Variants in NPR3 observed in about 807,000 individuals in gnomAD.
NPR3 encodes the protein natriuretic peptide receptor 3.
A neutral mutation model predicts 54.5 loss-of-function variants in NPR3; 34 were observed. That is an observed-to-expected ratio of 0.62 (90% CI 0.47 to 0.83). NPR3 has a LOEUF of 0.83. NPR3 is among the 40% of genes least tolerant of loss of function. The probability of loss-of-function intolerance (pLI) is 0.00; values close to 1 mark genes in which losing one functional copy is unlikely to be tolerated. For synonymous variants in NPR3, 289 were observed against 297.1 expected, an observed-to-expected ratio of 0.97 and a Z score of 0.28; for missense variants, 674 against 720.8, an observed-to-expected ratio of 0.94 and a Z score of 0.74.
At chr5:32,760,885 T>C (rs943999831) in intron 3 of NPR3, among the ~76,000 whole-genome samples, 1 of 152,146 alleles carries the variant, frequency 6.6e-6, no homozygotes, top group African/African-American at 2.4e-5. Flanking sequence ...TTTAGTTTTT[T>C]CCCATCTTTT....
chr5:32,696,767 G>A (rs1449278707), intron 1 of NPR3, among the ~76,000 whole-genome samples: 2 of 152,014 alleles, frequency 1.3e-5, no homozygotes, highest in African/African-American at 2.4e-5. Flanking sequence ...TGTTGAAAGC[G>A]GGATTACTCT....
intron 4 of NPR3, among the ~76,000 whole-genome samples, chr5:32,776,027 C>T (rs1742027321): frequency 6.6e-6 from 1 of 152,158 alleles, no homozygotes; most frequent in Non-Finnish European, 1.5e-5. Context: ...ACTTTCCTTC[C>T]CAACCTAGTC....
At chr5:32,693,725 G>A (rs971659152) in intron 1 of NPR3, among the ~76,000 whole-genome samples, 2 of 152,198 alleles carry the variant, frequency 1.3e-5, no homozygotes, top group African/African-American at 4.8e-5. Context: ...GAGCACCATA[G>A]TCCTTGACAT....
At chr5:32,784,237 C>A (rs1330729970) in intron 6 of NPR3, among the ~76,000 whole-genome samples, 2 of 152,152 alleles carry the variant, frequency 1.3e-5, no homozygotes, top group African/African-American at 4.8e-5. Context: ...CACCCAGACT[C>A]ATGTGCAGTG....
intron 1 of NPR3, among the ~76,000 whole-genome samples, chr5:32,702,406 C>A (rs1737847373): frequency 2.9e-5 from 3 of 104,174 alleles, no homozygotes; most frequent in African/African-American, 1.1e-4. Context: ...CTATCCCTCC[C>A]CCCTCCCCCC....
In NPR3 at chr5:32,712,130, C is replaced by A. The variant is rs769527811; in HGVS notation, c.354C>A (p.Asp118Glu). ...ACCGTGCGCTCTTCAGCTTGGTGGA[C>A]CGCGTGGCGGCGGCGCGGGGCGCCA... ...CGNRALFSLV[D>E]RVAAARGAKP... Residue 118 changes from aspartate to glutamate, a missense_variant, in exon 1 of 8, where the codon GAC becomes GAA. Physicochemically the swap from Asp to Glu is conservative, Grantham distance 45. Transcript: ENST00000265074. 11 of 1,613,458 alleles carry A rather than the reference C, an allele frequency of 6.8e-6. No individual in the cohort carries two copies. In the East Asian group the frequency reaches 1.6e-4, roughly 23 times the overall value.
intron 2 of NPR3, among the ~76,000 whole-genome samples, chr5:32,735,789 C>T (rs962387713): frequency 1.3e-5 from 2 of 152,166 alleles, no homozygotes; most frequent in African/African-American, 4.8e-5. Flanking sequence ...GCTCAACAGC[C>T]CTGATATGGG....
intron 3 of NPR3, among the ~76,000 whole-genome samples, chr5:32,770,576 T>A (rs910355635): frequency 6.6e-6 from 1 of 152,214 alleles, no homozygotes; most frequent in Admixed American, 6.5e-5. Flanking sequence ...GGCCACTTTA[T>A]TTGATAAACA....
intron 1 of NPR3, chr5:32,713,274 G>T: frequency 2.0e-6 from 2 of 985,428 alleles, no homozygotes; most frequent in Non-Finnish European, 2.4e-6. Context: ...AGAAACGAGC[G>T]CTGAACCTTC....
chr5:32,782,600 C>T (rs996896800), intron 5 of NPR3, among the ~76,000 whole-genome samples: 2 of 152,206 alleles, frequency 1.3e-5, no homozygotes, highest in African/African-American at 4.8e-5. Context: ...TGCTCTGGCA[C>T]GACCGCTCTT....
chr5:32,719,517 C>T (rs975678438), intron 1 of NPR3, among the ~76,000 whole-genome samples: 1 of 152,140 alleles, frequency 6.6e-6, no homozygotes, highest in Non-Finnish European at 1.5e-5. Flanking sequence ...AAGCTGGAAT[C>T]AGTTTGGATT....
chr5:32,760,503 C>T (rs1318578629), intron 3 of NPR3, among the ~76,000 whole-genome samples: 1 of 152,090 alleles, frequency 6.6e-6, no homozygotes, highest in Non-Finnish European at 1.5e-5. Context: ...GACCGGTCTG[C>T]TGAAATACTT....
intron 2 of NPR3, among the ~76,000 whole-genome samples, chr5:32,735,784 A>G (rs1003990714): frequency 1.3e-5 from 2 of 152,328 alleles, no homozygotes; most frequent in Admixed American, 1.3e-4. Context: ...CTAATGCTCA[A>G]CAGCCCTGAT....
chr5:32,725,715 ATAT>A (rs1409403949), intron 2 of NPR3, among the ~76,000 whole-genome samples: 3 of 152,232 alleles, frequency 2.0e-5, no homozygotes, highest in Admixed American at 6.5e-5. Context: ...TACTTTAGTA[ATAT>A]TATTGCACAT....
At position 32,784,851 on chromosome 5, in the gene NPR3, A is replaced by G. The variant is rs1225824483; in HGVS notation, c.1482A>G (p.Gly494=). 1 of 1,613,764 alleles carries G rather than the reference A, an allele frequency of 6.2e-7. No homozygotes were observed. The highest frequency in any genetic ancestry group is 2.2e-5 in the East Asian group (1 of 44,852). The change falls in exon 7 of 8, where the codon GGA becomes GGG. Residue 494 remains glycine (G), a synonymous_variant. Coordinates refer to ENST00000265074, the MANE Select transcript of NPR3 (RefSeq NM_001204375.2). ...VTGIVVGALL[G]AGLLMAFYFF... is the part of the protein sequence containing the mutation. ...GAATTGTCGTGGGGGCTTTACTAGG[A>G]GCTGGCTTGCTAATGGCCTTCTACT...
chr5:32,723,443 T>C (rs1738971996), intron 1 of NPR3, among the ~76,000 whole-genome samples: 1 of 152,228 alleles, frequency 6.6e-6, no homozygotes, highest in Admixed American at 6.5e-5. Context: ...ATACCTGGAA[T>C]CTTACAAACG....
rs757527951 is a variant in NPR3 at position 32,712,198 on chromosome 5, C to T, written c.422C>T (p.Ala141Val). 1 of 1,612,848 alleles carries T rather than the reference C, an allele frequency of 6.2e-7. No homozygotes were observed. The highest frequency in any genetic ancestry group is 1.1e-5 in the South Asian group (1 of 91,040). The change falls in exon 1 of 8, where the codon GCG (alanine) becomes GTG (valine). Residue 141 changes from alanine (A) to valine (V), a missense_variant. By Grantham distance (64) the Ala-to-Val change is moderately conservative. Coordinates refer to ENST00000265074, the MANE Select transcript of NPR3 (RefSeq NM_001204375.2). ...GGGCCAGTGTGCGAGTATGCAGCAG[C>T]GCCAGTGGCCCGGCTTGCATCGCAC... ...ILGPVCEYAA[A>V]PVARLASHWD... is the part of the protein sequence containing the mutation.
Position 32,740,660 on chromosome 5 carries a change from C to T in NPR3, c.1059+1630C>T, listed in dbSNP as rs143467483. 8.6e-5 allele frequency among the ~76,000 whole-genome samples: 13 copies of T among 150,974 alleles called. No individual in the cohort carries two copies. The East Asian group carries it at 2.3e-3, about 27-fold the overall frequency. ...TTTTAATAATATATTCCAATTAACA[C>T]AATATAAACATATTTCAACATTTAA... On this transcript the variant is annotated intron_variant, in intron 3 of 7. Coordinates refer to ENST00000265074, the MANE Select transcript of NPR3 (RefSeq NM_001204375.2).
In NPR3 at chr5:32,784,882, A is replaced by G; in HGVS notation, c.1513A>G (p.Arg505Gly). The G allele has an allele frequency of 6.2e-7, 1 of 1,609,834 alleles. No homozygotes were observed. Residue 505 changes from arginine to glycine, a missense_variant and splice_region_variant, in exon 7 of 8, where the codon AGG becomes GGG. By Grantham distance (125) the Arg-to-Gly change is moderately radical. Transcript: ENST00000265074. The part of the protein sequence containing the change: ...AGLLMAFYFF[R>G]KKYRITIERR... ...CTTGCTAATGGCCTTCTACTTTTTC[A>G]GGTGAGGACGGTTTGTAAAGGTACA... is the stretch of plus-strand genomic sequence containing the variant.
Sources: allele counts gnomAD v4.1 joint callset (sites outside exome capture counted in the v4.1 genomes callset), GRCh38; gene constraint gnomAD v4.1.1; transcripts MANE v1.5; gene names NCBI Gene and HGNC (gene_info 2026-07-23, HGNC 2026-07-21).